Variants in SPATA7 observed in about 807,000 individuals in gnomAD.
SPATA7 encodes spermatogenesis associated 7.
In SPATA7, 43 loss-of-function variants were observed where a neutral mutation model predicts 51.8. The observed-to-expected ratio is 0.83, with a 90% confidence interval of 0.65 to 1.07. The LOEUF (loss-of-function observed/expected upper bound fraction) is 1.07. Among genes scored for constraint, SPATA7 ranks in the 50% least tolerant of loss-of-function variants. The pLI is 0.00. For synonymous variants in SPATA7, 230 were observed against 252.8 expected (o/e 0.91, Z 0.86); for missense variants, 683 against 701.3 (o/e 0.97, Z 0.30).
downstream of SPATA7, among the ~76,000 whole-genome samples, chr14:88,441,659 G>T (rs1261647640): frequency 2.6e-5 from 4 of 151,980 alleles, no homozygotes; most frequent in Admixed American, 1.3e-4. Flanking sequence ...TTTGAGAATT[G>T]TCTATTCATG....
chr14:88,424,130 A>G (rs1275032020), intron 5 of SPATA7, among the ~76,000 whole-genome samples: 2 of 152,188 alleles, frequency 1.3e-5, no homozygotes, highest in African/African-American at 2.4e-5. Context: ...TTGGCACATA[A>G]TTGATGAACC....
chr14:88,419,470 C>G (rs966425166), intron 5 of SPATA7, among the ~76,000 whole-genome samples: 3 of 147,250 alleles, frequency 2.0e-5, no homozygotes, highest in Non-Finnish European at 4.5e-5. Flanking sequence ...TGTCACTTGC[C>G]AATCTCAATG....
At chr14:88,436,923 C>T (rs2077104975) in intron 10 of SPATA7, among the ~76,000 whole-genome samples, 1 of 151,708 alleles carries the variant, frequency 6.6e-6, no homozygotes, top group Non-Finnish European at 1.5e-5. Context: ...TTTGTAGTTT[C>T]ATGTACATTT....
chr14:88,429,364 CAT>C lies in SPATA7; in HGVS notation c.932_933del (p.Tyr311Ter). ...CATCCCCAGGCATCTAATTGTGTGA[CAT>C]ATGATGCCAAAGAAAAAATAGCTCC... On this transcript the variant is annotated frameshift_variant, in exon 8 of 12. Coordinates refer to ENST00000393545, the MANE Select transcript of SPATA7 (RefSeq NM_018418.5). LOFTEE classifies it high-confidence loss of function. 2 of 1,605,294 alleles carry C rather than the reference CAT, an allele frequency of 1.2e-6. No homozygotes were observed. The highest frequency in any genetic ancestry group is 1.7e-6 in the Non-Finnish European group (2 of 1,172,396).
intron 4 of SPATA7, among the ~76,000 whole-genome samples, chr14:88,401,003 T>C (rs1407999330): frequency 1.3e-5 from 2 of 152,186 alleles, no homozygotes; most frequent in African/African-American, 4.8e-5. Flanking sequence ...TTTATGAGGC[T>C]AGCACCACCC....
At chr14:88,390,092 A>T (rs2075700043) in intron 1 of SPATA7, among the ~76,000 whole-genome samples, 1 of 152,146 alleles carries the variant, frequency 6.6e-6, no homozygotes. Flanking sequence ...TGCTTCAATT[A>T]CCCTCATCTA....
At chr14:88,434,530 C>T (rs2077026003) in intron 10 of SPATA7, among the ~76,000 whole-genome samples, 1 of 151,666 alleles carries the variant, frequency 6.6e-6, no homozygotes, top group East Asian at 1.9e-4. Flanking sequence ...ACTAAAAATA[C>T]AAAAATTAGC....
At position 88,427,969 on chromosome 14, in the gene SPATA7, G is replaced by C. The variant is rs533868863; in HGVS notation, c.912+273G>C. 97 of 320,016 alleles carry C rather than the reference G, an allele frequency of 3.0e-4. No individual in the cohort carries two copies. The South Asian group carries it at 3.3e-3, about 11-fold the overall frequency. The allele number at this position is 320,016 out of a possible 1,614,324, so 19.8% of individuals were successfully genotyped here. A position where few individuals can be genotyped will look rare whatever the true frequency, so the allele number is the denominator to read the frequency against. On this transcript the variant is annotated intron_variant, in intron 7 of 11. Transcript: ENST00000393545. ...GCTGGCTGGACAAATGGAAGGATCA[G>C]TAAAATACCTTAAGTATTGTTTTCA...
At chr14:88,388,074 C>T (rs146269197) in intron 1 of SPATA7, among the ~76,000 whole-genome samples, 90 of 151,982 alleles carry the variant, frequency 5.9e-4, no homozygotes, top group African/African-American at 2.0e-3. Flanking sequence ...TGGTGGCGTG[C>T]GCCTGTAGTC....
intron 3 of SPATA7, among the ~76,000 whole-genome samples, chr14:88,452,446 T>G (rs184884711): frequency 2.0e-5 from 3 of 152,276 alleles, no homozygotes; most frequent in East Asian, 3.9e-4. Flanking sequence ...TCAGCTGTGG[T>G]ATTATAGGGA....
chr14:88,398,560 C>T (rs1327330275), intron 4 of SPATA7, among the ~76,000 whole-genome samples: 5 of 150,056 alleles, frequency 3.3e-5, no homozygotes, highest in Admixed American at 1.3e-4. Flanking sequence ...AGCGCACCAG[C>T]GTGGCACATG....
At chr14:88,432,901 G>A in intron 9 of SPATA7, 1 of 460,484 alleles carries the variant, frequency 2.2e-6, no homozygotes, top group South Asian at 3.2e-5. Context: ...TATGGATGTT[G>A]CAGATATCTG....
At chr14:88,458,434 C>G (rs1050064267), downstream of SPATA7, among the ~76,000 whole-genome samples, 2 of 152,144 alleles carry the variant, frequency 1.3e-5, no homozygotes, top group Non-Finnish European at 2.9e-5. Flanking sequence ...GATTCAACTT[C>G]TTCCTGGTTT....
At chr14:88,438,504 C>T, downstream of SPATA7, 1 of 1,127,882 alleles carries the variant, frequency 8.9e-7, no homozygotes, top group Non-Finnish European at 1.3e-6. Context: ...TAAGATTTCT[C>T]TATTGGTTTT....
intron 3 of SPATA7, among the ~76,000 whole-genome samples, chr14:88,447,879 T>C (rs2077225199): frequency 6.6e-6 from 1 of 152,194 alleles, no homozygotes; most frequent in South Asian, 2.1e-4. Context: ...GGTTTCCCTT[T>C]GAGGGTAACC....
In SPATA7 at chr14:88,426,549, T is replaced by C; in HGVS notation, c.690T>C (p.Ser230=). The change falls in exon 6 of 12, where the codon TCT becomes TCC. Residue 230 remains serine, a synonymous_variant. Transcript: ENST00000393545. ...GTGGGGATCTTTTGGATAAACATTC[T>C]GAACTCTTTTCTAACAAACAATTGC... ...APSGDLLDKH[S]ELFSNKQLPF... 1.2e-6 allele frequency: 2 copies of C among 1,614,188 alleles called. No homozygotes were observed. The highest frequency in any genetic ancestry group is 2.7e-5 in the African/African-American group (2 of 75,040).
chr14:88,403,878 A>G (rs1443002062), intron 4 of SPATA7, among the ~76,000 whole-genome samples: 1 of 152,162 alleles, frequency 6.6e-6, no homozygotes, highest in Non-Finnish European at 1.5e-5. Context: ...GAAATTTGCT[A>G]AGACAGTACA....
At chr14:88,397,608 A>C (rs1595187250) in intron 4 of SPATA7, among the ~76,000 whole-genome samples, 1 of 150,350 alleles carries the variant, frequency 6.7e-6, no homozygotes, top group East Asian at 2.0e-4. Context: ...ATGCCACTGC[A>C]CTCTGGCCTA....
rs1439809632 is a variant in SPATA7 at position 88,427,071 on chromosome 14, C to CT, written c.845+368dup. On this transcript the variant is annotated intron_variant, in intron 6 of 11. Transcript: ENST00000393545. ...ATGTTAAAAGTGGCGAAACAATGGG[C>CT]TATAGAGGGGAAGAAACTAACCCTT... Among the ~76,000 whole-genome samples the CT allele has an allele frequency of 7.9e-5, 12 of 152,254 alleles. No individual in the cohort carries two copies. The South Asian group carries it at 2.3e-3, about 29-fold the overall frequency.
Sources: gnomAD v4.1 joint callset for allele counts (sites outside exome capture counted in the v4.1 genomes callset) on GRCh38, gnomAD v4.1.1 for gene constraint, MANE v1.5 for transcripts, NCBI Gene and HGNC (gene_info 2026-07-23, HGNC 2026-07-21) for gene names.